The following GALNT13 variants were observed in gnomAD, a reference collection of about 807,000 sequenced individuals.
GALNT13 encodes the protein UDP-GalNAc:polypeptide N-acetylgalactosaminyltransferase 13.
A neutral mutation model predicts 64.2 loss-of-function variants in GALNT13; 28 were observed. That is an observed-to-expected ratio of 0.44 (90% CI 0.32 to 0.60). The LOEUF (loss-of-function observed/expected upper bound fraction) is 0.60, where lower values mean the gene tolerates loss of function less well. GALNT13 is among the 20% of genes least tolerant of loss of function. GALNT13 has a pLI of 0.05. For missense variants in GALNT13, 577 were observed against 669.8 expected (o/e 0.86, Z 1.53); for synonymous variants, 214 against 224.6 (o/e 0.95, Z 0.42).
At chr2:154,080,284 A>C (rs1574465176) in intron 3 of GALNT13, among the ~76,000 whole-genome samples, 1 of 151,604 alleles carries the variant, frequency 6.6e-6, no homozygotes, top group African/African-American at 2.4e-5. Context: ...TGATCAAATA[A>C]AGCTATGGAA....
At chr2:154,132,443 A>T (rs66539250) in intron 3 of GALNT13, among the ~76,000 whole-genome samples, 7,103 of 152,062 alleles carry the variant, frequency 0.047, 220 homozygotes, top group South Asian at 0.11. Flanking sequence ...ATATTCTTCT[A>T]TGCATCATTT....
At chr2:153,850,433 C>A in the GALNT13 span, among the ~76,000 whole-genome samples, 1 of 152,172 alleles carries the variant, frequency 6.6e-6, no homozygotes, top group Non-Finnish European at 1.5e-5. Context: ...AACAAATTAA[C>A]CGTGTCTCAG....
chr2:153,084,726 C>A, the GALNT13 span, among the ~76,000 whole-genome samples: 2 of 152,160 alleles, frequency 1.3e-5, no homozygotes, highest in Non-Finnish European at 2.9e-5. Context: ...ATTGTGAGGC[C>A]TCCCCAGCCA....
intron 3 of GALNT13, among the ~76,000 whole-genome samples, chr2:153,947,619 C>A (rs940076592): frequency 6.6e-6 from 1 of 151,900 alleles, no homozygotes; most frequent in Non-Finnish European, 1.5e-5. Flanking sequence ...AATTTTCTCC[C>A]ATTCTGTAGG....
At chr2:153,330,723 C>T in the GALNT13 span, among the ~76,000 whole-genome samples, 5 of 152,062 alleles carry the variant, frequency 3.3e-5, no homozygotes, top group South Asian at 4.2e-4. Context: ...TCATTCACAG[C>T]GAGAGATTGT....
At chr2:154,366,034 C>T (rs888073212) in intron 9 of GALNT13, among the ~76,000 whole-genome samples, 5 of 152,018 alleles carry the variant, frequency 3.3e-5, no homozygotes, top group African/African-American at 1.2e-4. Flanking sequence ...AGAACTAAAG[C>T]CTGTTGATGT....
At chr2:153,499,287 G>T in the GALNT13 span, among the ~76,000 whole-genome samples, 2 of 152,196 alleles carry the variant, frequency 1.3e-5, no homozygotes, top group African/African-American at 4.8e-5. Context: ...CTTTCTGCAG[G>T]CAGGTCATCA....
At chr2:153,925,299 T>A (rs966852145) in intron 2 of GALNT13, among the ~76,000 whole-genome samples, 1 of 152,166 alleles carries the variant, frequency 6.6e-6, no homozygotes, top group African/African-American at 2.4e-5. Flanking sequence ...GCACTATTTA[T>A]TAAATAGGGA....
the GALNT13 span, among the ~76,000 whole-genome samples, chr2:153,115,990 A>T: frequency 6.6e-6 from 1 of 152,154 alleles, no homozygotes; most frequent in African/African-American, 2.4e-5. Context: ...TTTTAGACTT[A>T]TTCATTAACA....
Position 154,415,015 on chromosome 2 carries a change from A to T in GALNT13, c.1395+5933A>T, listed in dbSNP as rs1291395624. Among the ~76,000 whole-genome samples the T allele has an allele frequency of 4.6e-5, 7 of 152,000 alleles. No individual in the cohort carries two copies. The East Asian group carries it at 1.4e-3, about 29-fold the overall frequency. Reference sequence around the variant, plus strand: ...TAATTTTTATTTAAAATTTACATAAAATAGCTGGGCATGGTGGCATGCATC... The same window carrying T: ...TAATTTTTATTTAAAATTTACATAATATAGCTGGGCATGGTGGCATGCATC... On this transcript the variant is annotated intron_variant, in intron 11 of 12. Coordinates refer to ENST00000392825, the MANE Select transcript of GALNT13 (RefSeq NM_052917.4).
chr2:153,403,849 AC>A, the GALNT13 span, among the ~76,000 whole-genome samples: 1 of 152,080 alleles, frequency 6.6e-6, no homozygotes, highest in Non-Finnish European at 1.5e-5. Context: ...AGTGAGATGA[AC>A]CCGGTACCTC....
intron 1 of GALNT13, among the ~76,000 whole-genome samples, chr2:153,876,535 G>A (rs952312613): frequency 6.6e-6 from 1 of 152,062 alleles, no homozygotes; most frequent in African/African-American, 2.4e-5. Flanking sequence ...TTTTTGGGAG[G>A]AGCAGTGTAA....
chr2:153,094,810 G>A, the GALNT13 span, among the ~76,000 whole-genome samples: 1 of 152,158 alleles, frequency 6.6e-6, no homozygotes, highest in Non-Finnish European at 1.5e-5. Flanking sequence ...TTTAATAAAT[G>A]GTGCTGGGAA....
the GALNT13 span, among the ~76,000 whole-genome samples, chr2:153,299,562 CTGGAAAA>C: frequency 6.6e-6 from 1 of 152,168 alleles, no homozygotes; most frequent in Admixed American, 6.5e-5. Flanking sequence ...CAGCAGAGAG[CTGGAAAA>C]ATAAAATCCT....
chr2:153,592,970 A>T, the GALNT13 span: 1 of 152,300 alleles, frequency 6.6e-6, no homozygotes, highest in South Asian at 2.1e-4. Context: ...GCCTGGCATC[A>T]CAAAGATCCG....
At chr2:154,455,953 A>G (rs1574343233), downstream of GALNT13, among the ~76,000 whole-genome samples, 1 of 152,048 alleles carries the variant, frequency 6.6e-6, no homozygotes, top group Non-Finnish European at 1.5e-5. Context: ...TCTGTTTTTA[A>G]TGAGTTAGAA....
chr2:154,099,356 A>G (rs1408265290), intron 3 of GALNT13, among the ~76,000 whole-genome samples: 1 of 152,062 alleles, frequency 6.6e-6, no homozygotes, highest in East Asian at 1.9e-4. Context: ...ATTTTCTCCT[A>G]TTCTGTAGAT....
rs970031946 is a variant in GALNT13 at position 153,886,400 on chromosome 2, C to T, written c.-177+14097C>T. ...GCAACAGGCCCCAGTGTGTGATGTT[C>T]CCCTTCCTGTGTCTAAGAAAATGTG... is the stretch of plus-strand genomic sequence containing the variant. On this transcript the variant is annotated intron_variant, in intron 1 of 12. Coordinates refer to ENST00000392825, the MANE Select transcript of GALNT13 (RefSeq NM_052917.4). 3.4e-5 allele frequency among the ~76,000 whole-genome samples: 5 copies of T among 147,618 alleles called. No individual in the cohort carries two copies. In the East Asian group the frequency reaches 8.4e-4, roughly 25 times the overall value.
At chr2:153,362,133 C>A in the GALNT13 span, among the ~76,000 whole-genome samples, 3 of 152,028 alleles carry the variant, frequency 2.0e-5, no homozygotes, top group Non-Finnish European at 4.4e-5. Flanking sequence ...GCTTTGTAAG[C>A]AAAGGAGAAA....
Sources: gnomAD v4.1 joint callset for allele counts (sites outside exome capture counted in the v4.1 genomes callset) on GRCh38, gnomAD v4.1.1 for gene constraint, MANE v1.5 for transcripts, NCBI Gene and HGNC (gene_info 2026-07-23, HGNC 2026-07-21) for gene names.